Variants in LHFPL3 observed in about 807,000 individuals in gnomAD.
The protein encoded by LHFPL3 is LHFPL tetraspan subfamily member 3.
Under a neutral mutation model 19.3 loss-of-function variants are expected in LHFPL3, and 5 were observed. The ratio of observed to expected loss-of-function variants is 0.26; its 90% CI spans 0.14 to 0.54. LHFPL3 has a LOEUF of 0.54. LHFPL3 is among the 20% of genes least tolerant of loss of function. The probability of loss-of-function intolerance (pLI) is 0.94; values close to 1 mark genes in which losing one functional copy is unlikely to be tolerated. For synonymous variants in LHFPL3, 133 were observed against 126.2 expected, an observed-to-expected ratio of 1.05 and a Z score of -0.36; for missense variants, 249 against 307.4, an observed-to-expected ratio of 0.81 and a Z score of 1.42.
At chr7:104,470,330 C>G (rs1244861954) in intron 1 of LHFPL3, among the ~76,000 whole-genome samples, 1 of 152,180 alleles carries the variant, frequency 6.6e-6, no homozygotes, top group Non-Finnish European at 1.5e-5. Context: ...AGAGGCTAAT[C>G]CATATTCATC....
At chr7:104,726,015 G>A (rs1308882931) in intron 1 of LHFPL3, among the ~76,000 whole-genome samples, 2 of 125,880 alleles carry the variant, frequency 1.6e-5, no homozygotes, top group Non-Finnish European at 3.1e-5. Flanking sequence ...TCACACCACT[G>A]CACTCCAGCC....
chr7:104,348,196 C>A (rs1290807357), intron 1 of LHFPL3, among the ~76,000 whole-genome samples: 3 of 152,164 alleles, frequency 2.0e-5, no homozygotes, highest in African/African-American at 7.2e-5. Context: ...ACCATCCTGG[C>A]CAACGTGGTG....
At chr7:104,521,430 T>G (rs1201239269) in intron 1 of LHFPL3, among the ~76,000 whole-genome samples, 1 of 152,150 alleles carries the variant, frequency 6.6e-6, no homozygotes, top group Non-Finnish European at 1.5e-5. Flanking sequence ...TTCTGTTGAT[T>G]TGGGGTGGAG....
At position 104,328,978 on chromosome 7, in the gene LHFPL3, A is replaced by T; in HGVS notation, c.199A>T (p.Thr67Ser). Residue 67 changes from threonine (T) to serine (S), a missense_variant, in exon 1 of 3, where the codon ACC (threonine) becomes TCC (serine). Transcript: ENST00000424859. The surrounding 1 kb of genome is among the most constrained non-coding windows in gnomAD (Gnocchi z 4.6). Reference protein sequence around the residue: ...QPYWIGDGVDTPQAGYFGLFH... With the variant: ...QPYWIGDGVDSPQAGYFGLFH... ...CTACTGGATAGGCGACGGCGTGGAC[A>T]CCCCGCAAGCCGGCTATTTCGGGCT... The T allele has an allele frequency of 6.2e-7, 1 of 1,614,092 alleles. No individual in the cohort carries two copies. The highest frequency in any genetic ancestry group is 8.5e-7 in the Non-Finnish European group (1 of 1,180,020).
chr7:104,338,093 CTTTTTTTTT>C (rs71296520), intron 1 of LHFPL3, among the ~76,000 whole-genome samples: 23 of 85,848 alleles, frequency 2.7e-4, no homozygotes, highest in South Asian at 4.8e-4. Context: ...TTTCCTTTTT[CTTTTTTTTT>C]TTTTTTTTTT....
Position 104,850,605 on chromosome 7 carries a change from T to A in LHFPL3, c.683-55582T>A, listed in dbSNP as rs184507096. Reference sequence around the variant, plus strand: ...AGGTTACACCTGACTGACATGAAACTAAATTGTTTTAATTGTTCCAAACTA... The same window carrying A: ...AGGTTACACCTGACTGACATGAAACAAAATTGTTTTAATTGTTCCAAACTA... On this transcript the variant is annotated intron_variant, in intron 2 of 2. Coordinates refer to ENST00000424859, the MANE Select transcript of LHFPL3 (RefSeq NM_199000.3). Among the ~76,000 whole-genome samples the A allele has an allele frequency of 2.5e-4, 38 of 152,310 alleles. 1 individual carries two copies. In the East Asian group the frequency reaches 6.9e-3, roughly 28 times the overall value.
intron 1 of LHFPL3, among the ~76,000 whole-genome samples, chr7:104,642,034 C>CTT (rs10583452): frequency 1.8e-5 from 2 of 111,930 alleles, no homozygotes; most frequent in African/African-American, 6.8e-5. Flanking sequence ...TATGTTATTA[C>CTT]TTTTTTTTTT....
At chr7:104,455,344 T>C (rs1231241496) in intron 1 of LHFPL3, among the ~76,000 whole-genome samples, 1 of 151,312 alleles carries the variant, frequency 6.6e-6, no homozygotes, top group Admixed American at 6.6e-5. Flanking sequence ...TGGACAATTA[T>C]ACATGGTAAG....
chr7:104,891,367 G>A (rs889771806), intron 2 of LHFPL3, among the ~76,000 whole-genome samples: 9 of 152,000 alleles, frequency 5.9e-5, no homozygotes, highest in African/African-American at 1.9e-4. Context: ...GCAGGCGTGC[G>A]AGACTGGAAA....
At chr7:104,463,827 G>C (rs932057330) in intron 1 of LHFPL3, among the ~76,000 whole-genome samples, 2 of 152,188 alleles carry the variant, frequency 1.3e-5, no homozygotes, top group African/African-American at 4.8e-5. Context: ...GATAAGATTT[G>C]AGTGGAGACA....
intron 2 of LHFPL3, among the ~76,000 whole-genome samples, chr7:104,868,828 C>T (rs1791779177): frequency 6.6e-6 from 1 of 152,184 alleles, no homozygotes; most frequent in Non-Finnish European, 1.5e-5. Flanking sequence ...TCAAACTGTA[C>T]TACAAGGCTA....
At position 104,427,672 on chromosome 7, in the gene LHFPL3, T is replaced by G. The variant is rs1791875326; in HGVS notation, c.445+98448T>G. ...TTGGGTCCCCATTAGGACTTTTCTT[T>G]GCTGTGAGTTGAAGGCATGTACTCT... On this transcript the variant is annotated intron_variant, in intron 1 of 2. Transcript: ENST00000424859. 2.6e-5 allele frequency among the ~76,000 whole-genome samples: 4 copies of G among 152,224 alleles called. No individual in the cohort carries two copies. In the South Asian group the frequency reaches 8.3e-4, roughly 31 times the overall value.
intron 2 of LHFPL3, among the ~76,000 whole-genome samples, chr7:104,858,852 T>A (rs557440783): frequency 1.1e-4 from 16 of 152,128 alleles, no homozygotes; most frequent in Middle Eastern, 6.9e-3. Context: ...CATCTTCCCA[T>A]CATCCTATAA....
chr7:104,503,832 A>G (rs909811503), intron 1 of LHFPL3, among the ~76,000 whole-genome samples: 3 of 152,222 alleles, frequency 2.0e-5, no homozygotes, highest in Non-Finnish European at 4.4e-5. Flanking sequence ...ACCCTCCCAA[A>G]GTGTTGGGAT....
intron 2 of LHFPL3, among the ~76,000 whole-genome samples, chr7:104,874,197 T>C (rs777999357): frequency 5.3e-5 from 8 of 152,228 alleles, no homozygotes; most frequent in Non-Finnish European, 7.3e-5. Context: ...ATTCAATTAG[T>C]TTGGACAAAT....
chr7:104,436,441 C>T (rs1792107509), intron 1 of LHFPL3, among the ~76,000 whole-genome samples: 1 of 152,156 alleles, frequency 6.6e-6, no homozygotes, highest in Non-Finnish European at 1.5e-5. Context: ...GACTCAAACC[C>T]AGTTCATGCT....
intron 2 of LHFPL3, among the ~76,000 whole-genome samples, chr7:104,892,708 CAAAAAAAAAAA>C (rs35855839): frequency 2.9e-5 from 2 of 68,476 alleles, no homozygotes; most frequent in East Asian, 3.9e-4. Context: ...GAGACTGTCT[CAAAAAAAAAAA>C]AAAAAAAAAA....
At chr7:104,353,100 G>A (rs887629750) in intron 1 of LHFPL3, among the ~76,000 whole-genome samples, 6 of 152,132 alleles carry the variant, frequency 3.9e-5, no homozygotes, top group African/African-American at 1.4e-4. Context: ...TATGTATAAG[G>A]AAGCACTAAA....
At chr7:104,670,929 G>A (rs1008570071) in intron 1 of LHFPL3, among the ~76,000 whole-genome samples, 1 of 151,686 alleles carries the variant, frequency 6.6e-6, no homozygotes, top group Non-Finnish European at 1.5e-5. Context: ...ATTTAACAAG[G>A]TCCTGGTTTC....
Sources: gnomAD v4.1 joint callset for allele counts (sites outside exome capture counted in the v4.1 genomes callset) on GRCh38, gnomAD v4.1.1 for gene constraint, Gnocchi (gnomAD v3.1) non-coding constraint, MANE v1.5 for transcripts, NCBI Gene and HGNC (gene_info 2026-07-23, HGNC 2026-07-21) for gene names.